The following PDCD2L variants were observed in gnomAD, a reference collection of about 807,000 sequenced individuals.
PDCD2L encodes uS5 assembly chaperone PDCD2L.
PDCD2L carries 44 observed loss-of-function variants against 40.4 expected under a neutral mutation model. The ratio of observed to expected loss-of-function variants is 1.09; its 90% CI spans 0.86 to 1.40. PDCD2L has a LOEUF of 1.40. Ranked by LOEUF, PDCD2L falls within the 40% of genes most tolerant of loss-of-function variation. The pLI, the probability that PDCD2L is intolerant of heterozygous loss-of-function variation, is 0.00. For synonymous variants in PDCD2L, 194 were observed against 174.6 expected, an observed-to-expected ratio of 1.11 and a Z score of -0.88; for missense variants, 470 against 453.7, an observed-to-expected ratio of 1.04 and a Z score of -0.33.
intron 4 of PDCD2L, among the ~76,000 whole-genome samples, chr19:34,411,835 A>G (rs2075104684): frequency 6.6e-6 from 1 of 151,464 alleles, no homozygotes; most frequent in Non-Finnish European, 1.5e-5. Context: ...TTGTATTTTT[A>G]GTAGAGATGG....
At chr19:34,411,016 C>A (rs1362862439) in intron 4 of PDCD2L, among the ~76,000 whole-genome samples, 2 of 151,684 alleles carry the variant, frequency 1.3e-5, no homozygotes, top group East Asian at 3.9e-4. Flanking sequence ...ATCTCTTGAC[C>A]TCGTGATCCA....
intron 4 of PDCD2L, among the ~76,000 whole-genome samples, chr19:34,411,963 C>CATAGAT: frequency 7.3e-6 from 1 of 137,672 alleles, no homozygotes; most frequent in East Asian, 2.1e-4. Flanking sequence ...ATGAAAAATA[C>CATAGAT]ATATATATAT....
intron 3 of PDCD2L, among the ~76,000 whole-genome samples, chr19:34,406,558 T>C (rs1224314726): frequency 6.6e-6 from 1 of 151,536 alleles, no homozygotes; most frequent in Non-Finnish European, 1.5e-5. Context: ...AATTTTTTCA[T>C]TTTTTTAAAT....
At position 34,409,242 on chromosome 19, in the gene PDCD2L, CCA is replaced by C; in HGVS notation, c.421_422del (p.Gln141ValfsTer8). 6.2e-7 allele frequency: 1 copy of C among 1,614,150 alleles called. No homozygotes were observed. The highest frequency in any genetic ancestry group is 1.1e-5 in the South Asian group (1 of 91,078). On this transcript the variant is annotated frameshift_variant, in exon 4 of 7. Coordinates refer to ENST00000246535, the MANE Select transcript of PDCD2L (RefSeq NM_032346.2). LOFTEE classifies it high-confidence loss of function. Reference protein sequence around the residue: ...WGSDTEEGPSPQFTLDFGNDA... With the variant: ...WGSDTEEGPSXQFTLDFGNDA... Reference sequence around the variant, plus strand: ...AAGTGATACTGAGGAGGGGCCTTCACCACAGTTTACCTTGGATTTTGGGAATG... The same window carrying C: ...AAGTGATACTGAGGAGGGGCCTTCACCAGTTTACCTTGGATTTTGGGAATG...
At chr19:34,404,597 G>A in intron 1 of PDCD2L, 52 bp from the exon 2 acceptor site, 1 of 1,592,232 alleles carries the variant, frequency 6.3e-7, no homozygotes, top group Non-Finnish European at 8.5e-7. Context: ...CGGAGGGAGT[G>A]GGCGAGGTCC....
Position 34,409,218 on chromosome 19 carries a change from A to G in PDCD2L, c.394A>G (p.Ser132Gly). The G allele has an allele frequency of 6.2e-7, 1 of 1,614,172 alleles. No individual in the cohort carries two copies. Among genetic ancestry groups the G allele is most frequent in the Non-Finnish European group, 8.5e-7 (1 of 1,180,020 alleles). ...GTGTGAAGGTGCTGATGACTGGGGAAGTGATACTGAGGAGGGGCCTTCACC... is the reference window on the plus strand; with the variant it reads ...GTGTGAAGGTGCTGATGACTGGGGAGGTGATACTGAGGAGGGGCCTTCACC... ...DWCEGADDWG[S>G]DTEEGPSPQF... Residue 132 changes from serine to glycine, a missense_variant, in exon 4 of 7, where the codon AGT becomes GGT. Transcript: ENST00000246535.
chr19:34,408,337 C>CTT (rs111852859), intron 3 of PDCD2L, among the ~76,000 whole-genome samples: 3 of 145,360 alleles, frequency 2.1e-5, no homozygotes, highest in South Asian at 2.2e-4. Flanking sequence ...GTTGCTTTTT[C>CTT]TTTTTTTTTT....
At chr19:34,420,317 G>GTT (rs1568361076) in intron 5 of PDCD2L, among the ~76,000 whole-genome samples, 1 of 145,198 alleles carries the variant, frequency 6.9e-6, no homozygotes. Flanking sequence ...TTTTTTTTTT[G>GTT]GTTTTTTTTT....
At position 34,421,526 on chromosome 19, in the gene PDCD2L, T is replaced by C. The variant is rs912528118; in HGVS notation, c.805T>C (p.Trp269Arg). The change falls in exon 6 of 7, where the codon TGG (tryptophan) becomes CGG (arginine). Residue 269 changes from tryptophan to arginine, a missense_variant. Coordinates refer to ENST00000246535, the MANE Select transcript of PDCD2L (RefSeq NM_032346.2). The part of the protein sequence containing the change: ...ACQEQILRYS[W>R]SGEPLFLTCP... The stretch of plus-strand genomic sequence containing the variant: ...TTTGTTTCCTTGTCCTAGGTATTCC[T>C]GGAGTGGAGAGCCACTCTTTTTGAC... 6.2e-7 allele frequency: 1 copy of C among 1,614,044 alleles called. No individual in the cohort carries two copies. Among genetic ancestry groups the C allele is most frequent in the Non-Finnish European group, 8.5e-7 (1 of 1,179,990 alleles).
chr19:34,417,330 C>G (rs2075130611), intron 5 of PDCD2L, among the ~76,000 whole-genome samples: 1 of 152,086 alleles, frequency 6.6e-6, no homozygotes, highest in Admixed American at 6.5e-5. Context: ...GGAACACTGG[C>G]CGGGTGTGGT....
At chr19:34,417,428 T>C (rs375802604) in intron 5 of PDCD2L, among the ~76,000 whole-genome samples, 3 of 151,796 alleles carry the variant, frequency 2.0e-5, no homozygotes, top group African/African-American at 7.3e-5. Context: ...GCCAATATGG[T>C]GAAACCCTGT....
chr19:34,420,279 C>T (rs1395369426), intron 5 of PDCD2L, among the ~76,000 whole-genome samples: 4 of 151,128 alleles, frequency 2.6e-5, no homozygotes, highest in East Asian at 3.9e-4. Flanking sequence ...GCCTGAGCCA[C>T]GGTACCCGGC....
At chr19:34,412,988 C>T (rs2075110983) in intron 4 of PDCD2L, among the ~76,000 whole-genome samples, 1 of 152,102 alleles carries the variant, frequency 6.6e-6, no homozygotes. Flanking sequence ...GATCCGCCTG[C>T]CTCGGCCTCC....
intron 3 of PDCD2L, among the ~76,000 whole-genome samples, chr19:34,406,448 C>G (rs2075076185): frequency 6.6e-6 from 1 of 151,466 alleles, no homozygotes; most frequent in African/African-American, 2.4e-5. Flanking sequence ...TGCAGTGGCG[C>G]CGTCTCTGCT....
At chr19:34,423,294 T>C (rs922244119) in intron 6 of PDCD2L, among the ~76,000 whole-genome samples, 2 of 151,834 alleles carry the variant, frequency 1.3e-5, no homozygotes, top group Admixed American at 1.3e-4. Flanking sequence ...GTGATTCTCC[T>C]GCCTCAGCCT....
At chr19:34,413,900 A>T in intron 5 of PDCD2L, 53 bp downstream of exon 5, 1 of 1,161,298 alleles carries the variant, frequency 8.6e-7, no homozygotes, top group Non-Finnish European at 1.3e-6. Flanking sequence ...AAAGGAATAC[A>T]TATTAGTTTG....
chr19:34,419,794 T>TTTTTTTTTG (rs2075141757), intron 5 of PDCD2L, among the ~76,000 whole-genome samples: 1 of 140,378 alleles, frequency 7.1e-6, no homozygotes, highest in Non-Finnish European at 1.5e-5. Flanking sequence ...TTTTTTTTTT[T>TTTTTTTTTG]AAGAGATTGG....
In PDCD2L at chr19:34,404,922, C is replaced by A; in HGVS notation, c.276-8C>A. Reference sequence around the variant, plus strand: ...CAGCCCTCACGGCCCTTTGTCTTCACCCCGAAGCTGGAAGGTGTTCCGCTC... The same window carrying A: ...CAGCCCTCACGGCCCTTTGTCTTCAACCCGAAGCTGGAAGGTGTTCCGCTC... On this transcript the variant is annotated splice_region_variant and splice_polypyrimidine_tract_variant and intron_variant, in intron 2 of 6. Coordinates refer to ENST00000246535, the MANE Select transcript of PDCD2L (RefSeq NM_032346.2). 1 of 1,614,060 alleles carries A rather than the reference C, an allele frequency of 6.2e-7. No homozygotes were observed. Among genetic ancestry groups the A allele is most frequent in the Non-Finnish European group, 8.5e-7 (1 of 1,180,022 alleles).
chr19:34,412,250 C>T (rs2075107478), intron 4 of PDCD2L, among the ~76,000 whole-genome samples: 1 of 151,676 alleles, frequency 6.6e-6, no homozygotes, highest in African/African-American at 2.4e-5. Context: ...GATCTTTTGA[C>T]CTCGTGATCC....
Sources: allele counts gnomAD v4.1 joint callset (sites outside exome capture counted in the v4.1 genomes callset), GRCh38; gene constraint gnomAD v4.1.1; transcripts MANE v1.5; gene names NCBI Gene and HGNC (gene_info 2026-07-23, HGNC 2026-07-21).